The following ANK3 variants were observed in gnomAD, a reference collection of about 807,000 sequenced individuals.
The protein encoded by ANK3 is ankyrin-3.
A neutral mutation model predicts 370.9 loss-of-function variants in ANK3; 57 were observed. The ratio of observed to expected loss-of-function variants is 0.15; its 90% CI spans 0.12 to 0.19. The LOEUF (loss-of-function observed/expected upper bound fraction) is 0.19. ANK3 is among the 10% of genes least tolerant of loss of function. The pLI is 1.00. For missense variants in ANK3, 4,439 were observed against 5,302.1 expected (o/e 0.84, Z 5.06); for synonymous variants, 1,929 against 1,946.3 (o/e 0.99, Z 0.23).
At chr10:60,598,604 T>C (rs2078019875) in intron 2 of ANK3, among the ~76,000 whole-genome samples, 3 of 152,198 alleles carry the variant, frequency 2.0e-5, no homozygotes, top group Admixed American at 6.5e-5. Flanking sequence ...GTGACTATAT[T>C]TAGTTATTCA....
intron 2 of ANK3, among the ~76,000 whole-genome samples, chr10:60,614,561 A>G (rs2078242692): frequency 6.6e-6 from 1 of 152,198 alleles, no homozygotes; most frequent in Non-Finnish European, 1.5e-5. Flanking sequence ...CTCCAGGAAG[A>G]TGAGAGGCCA....
intron 2 of ANK3, among the ~76,000 whole-genome samples, chr10:60,449,966 G>T (rs1329926990): frequency 2.8e-5 from 4 of 141,522 alleles, no homozygotes; most frequent in African/African-American, 1.1e-4. Context: ...ATTTAGTGGT[G>T]CGATGGAAAG....
chr10:60,229,077 G>C (rs2097205991), intron 8 of ANK3, among the ~76,000 whole-genome samples: 1 of 152,168 alleles, frequency 6.6e-6, no homozygotes, highest in African/African-American at 2.4e-5. Context: ...CTTTGCAACT[G>C]TAAAAAACAT....
At position 60,069,472 on chromosome 10, in the gene ANK3, C is replaced by T; in HGVS notation, c.11409G>A (p.Met3803Ile). 6.2e-7 allele frequency: 1 copy of T among 1,613,906 alleles called. No homozygotes were observed. Among genetic ancestry groups the T allele is most frequent in the Admixed American group, 1.7e-5 (1 of 60,010 alleles). The change falls in exon 37 of 44, where the codon ATG (methionine) becomes ATA (isoleucine). Residue 3803 changes from methionine (M) to isoleucine (I), a missense_variant. Met to Ile is a conservative substitution (Grantham distance 10). Transcript: ENST00000280772. ...DSSTIQTDNI[M>I]SNIVLTEHSA... is the part of the protein sequence containing the mutation. The stretch of plus-strand genomic sequence containing the variant: ...AATGTTCTGTCAGAACTATATTACT[C>T]ATAATGTTATCTGTCTGTATAGTGG...
At chr10:60,353,442 G>A (rs2057255975) in intron 1 of ANK3, among the ~76,000 whole-genome samples, 1 of 152,048 alleles carries the variant, frequency 6.6e-6, no homozygotes, top group Non-Finnish European at 1.5e-5. Flanking sequence ...GGTTACCCCT[G>A]CCTAACACAG....
At chr10:60,209,135 C>T (rs1019339247) in intron 9 of ANK3, among the ~76,000 whole-genome samples, 1 of 152,058 alleles carries the variant, frequency 6.6e-6, no homozygotes, top group Non-Finnish European at 1.5e-5. Context: ...ACTATGATGG[C>T]GAAGTGGGGG....
intron 2 of ANK3, among the ~76,000 whole-genome samples, chr10:60,487,900 G>A (rs1054368742): frequency 6.6e-6 from 1 of 151,992 alleles, no homozygotes; most frequent in Non-Finnish European, 1.5e-5. Flanking sequence ...TTTTAGTCGA[G>A]ACGAGGTTTC....
chr10:60,518,175 G>A (rs1279250265), intron 2 of ANK3, among the ~76,000 whole-genome samples: 9 of 152,202 alleles, frequency 5.9e-5, no homozygotes, highest in Non-Finnish European at 1.2e-4. Context: ...CTTGTTCCAT[G>A]CTGCCAGAAG....
chr10:60,275,544 C>T (rs771899913), intron 4 of ANK3, among the ~76,000 whole-genome samples: 9 of 152,094 alleles, frequency 5.9e-5, no homozygotes, highest in South Asian at 4.2e-4. Flanking sequence ...GATTCATATA[C>T]GTTACTAATT....
intron 7 of ANK3, among the ~76,000 whole-genome samples, chr10:60,258,357 G>A (rs1459629031): frequency 1.3e-5 from 2 of 152,156 alleles, no homozygotes; most frequent in Middle Eastern, 3.2e-3. Flanking sequence ...AAATATTGAC[G>A]ATGTCAGACA....
In ANK3 at chr10:60,076,405, G is replaced by A. The variant is rs1471409233; in HGVS notation, c.4476C>T (p.Tyr1492=). ...TTGTAGAAAAGAATGGCTTGTATGAGTAAGTGGTGGGGAGGGATCTTGTTG... is the reference window on the plus strand; with the variant it reads ...TTGTAGAAAAGAATGGCTTGTATGAATAAGTGGTGGGGAGGGATCTTGTTG... The part of the protein sequence containing the change: ...TGATRSLPTT[Y]SYKPFFSTRP... Residue 1492 remains tyrosine, a synonymous_variant, in exon 37 of 44, where the codon TAC becomes TAT. Transcript: ENST00000280772. 6.2e-7 allele frequency: 1 copy of A among 1,613,528 alleles called. No homozygotes were observed. The highest frequency in any genetic ancestry group is 1.7e-5 in the Admixed American group (1 of 59,956).
intron 41 of ANK3, among the ~76,000 whole-genome samples, chr10:60,058,355 C>T (rs1486425489): frequency 6.7e-6 from 1 of 149,232 alleles, no homozygotes; most frequent in Non-Finnish European, 1.5e-5. Context: ...AAATTCATGA[C>T]CAGGAAATTA....
At chr10:60,660,889 G>T (rs892089720) in intron 1 of ANK3, among the ~76,000 whole-genome samples, 1 of 150,944 alleles carries the variant, frequency 6.6e-6, no homozygotes, top group Admixed American at 6.6e-5. Context: ...AAAAAAAGGA[G>T]CAAACCTCTC....
intron 1 of ANK3, among the ~76,000 whole-genome samples, chr10:60,673,598 C>T (rs542159254): frequency 1.5e-4 from 23 of 152,130 alleles, no homozygotes; most frequent in African/African-American, 4.1e-4. Context: ...GTGATCCACC[C>T]GCCTCAGCCT....
chr10:60,163,071 A>G (rs1430161772), intron 23 of ANK3, among the ~76,000 whole-genome samples: 1 of 150,998 alleles, frequency 6.6e-6, no homozygotes. Context: ...CTTAATCTCA[A>G]TTTTCCCTCT....
intron 1 of ANK3, among the ~76,000 whole-genome samples, chr10:60,297,033 C>T (rs769028005): frequency 2.0e-5 from 3 of 152,080 alleles, no homozygotes; most frequent in Non-Finnish European, 4.4e-5. Flanking sequence ...TGTATCTGAT[C>T]TTACAGATAC....
intron 2 of ANK3, among the ~76,000 whole-genome samples, chr10:60,492,611 G>A (rs979693930): frequency 1.1e-4 from 16 of 149,660 alleles, no homozygotes; most frequent in African/African-American, 3.0e-4. Context: ...GGAGGCTGAG[G>A]CAGGAGAATG....
chr10:60,394,417 A>C (rs2063173675), upstream of ANK3, among the ~76,000 whole-genome samples: 1 of 151,990 alleles, frequency 6.6e-6, no homozygotes, highest in Non-Finnish European at 1.5e-5. Context: ...CCTCTGGATA[A>C]CAAGCACTGG....
At chr10:60,389,892 G>C, upstream of ANK3, 1 of 982,022 alleles carries the variant, frequency 1.0e-6, no homozygotes, top group South Asian at 4.7e-5. Context: ...CTCGGAAGGG[G>C]GAATGCTGCA....
Sources: gnomAD v4.1 joint callset for allele counts (sites outside exome capture counted in the v4.1 genomes callset) on GRCh38, gnomAD v4.1.1 for gene constraint, MANE v1.5 for transcripts, NCBI Gene and HGNC (gene_info 2026-07-23, HGNC 2026-07-21) for gene names.